The following DYM variants were observed in gnomAD, a reference collection of about 807,000 sequenced individuals.
The protein encoded by DYM is dymeclin, also known as dyggve-Melchior-Clausen syndrome protein.
A neutral mutation model predicts 93.1 loss-of-function variants in DYM; 78 were observed. The ratio of observed to expected loss-of-function variants is 0.84; its 90% CI spans 0.70 to 1.01. The LOEUF (loss-of-function observed/expected upper bound fraction) is 1.01, where lower values mean the gene tolerates loss of function less well. Ranked by LOEUF, DYM falls within the 50% of genes least tolerant of loss-of-function variation. DYM has a pLI of 0.00. For missense variants in DYM, 789 were observed against 845.0 expected (o/e 0.93, Z 0.82); for synonymous variants, 321 against 319.7 (o/e 1.00, Z -0.04).
intron 14 of DYM, among the ~76,000 whole-genome samples, chr18:49,170,475 T>C (rs2088529399): frequency 6.6e-6 from 1 of 151,990 alleles, no homozygotes; most frequent in South Asian, 2.1e-4. Flanking sequence ...AAGGATATTG[T>C]GTAATGTAAG....
At chr18:49,193,687 C>A (rs191871355) in intron 14 of DYM, among the ~76,000 whole-genome samples, 65 of 152,318 alleles carry the variant, frequency 4.3e-4, no homozygotes, top group Non-Finnish European at 6.8e-4. Flanking sequence ...CTTTATAATG[C>A]TGTGACATTC....
At chr18:49,361,346 G>T (rs1027728382) in intron 6 of DYM, among the ~76,000 whole-genome samples, 1 of 152,148 alleles carries the variant, frequency 6.6e-6, no homozygotes, top group Non-Finnish European at 1.5e-5. Context: ...ATTCATGTAC[G>T]ACAGCAGCCT....
Position 49,421,999 on chromosome 18 carries a change from G to A in DYM, c.140+8256C>T, listed in dbSNP as rs972812660. On this transcript the variant is annotated intron_variant, in intron 2 of 17. Coordinates refer to ENST00000675505, the MANE Select transcript of DYM (RefSeq NM_001353214.3). ...GAACAAAGCCTCCAAGAAATATGGG[G>A]CTATGTGAAAAGACCAAATCTATGT... is the stretch of plus-strand genomic sequence containing the variant. 3.9e-5 allele frequency among the ~76,000 whole-genome samples: 6 copies of A among 152,156 alleles called. No individual in the cohort carries two copies. The East Asian group carries it at 9.6e-4, about 24-fold the overall frequency.
chr18:49,392,994 C>CAAA (rs756183855), intron 2 of DYM, among the ~76,000 whole-genome samples: 2 of 61,900 alleles, frequency 3.2e-5, no homozygotes, highest in East Asian at 6.3e-4. Context: ...GACTCCATCT[C>CAAA]AAAAAAAAAA....
chr18:49,416,008 AGC>A (rs2072946359), intron 2 of DYM, among the ~76,000 whole-genome samples: 1 of 152,122 alleles, frequency 6.6e-6, no homozygotes, highest in South Asian at 2.1e-4. Flanking sequence ...TTTTTAAAAC[AGC>A]AGAACAATTA....
At chr18:49,315,361 C>T (rs564528135) in intron 8 of DYM, among the ~76,000 whole-genome samples, 51 of 152,116 alleles carry the variant, frequency 3.4e-4, no homozygotes, top group Middle Eastern at 6.8e-3. Flanking sequence ...ACCTGCCTAC[C>T]GGGTATGGGA....
At chr18:49,257,901 C>T (rs1332921230) in intron 12 of DYM, among the ~76,000 whole-genome samples, 3 of 151,900 alleles carry the variant, frequency 2.0e-5, no homozygotes, top group Non-Finnish European at 4.4e-5. Flanking sequence ...GAATTCTGTA[C>T]ACTGCTTCTC....
At chr18:49,212,732 A>G (rs1025034231) in intron 13 of DYM, among the ~76,000 whole-genome samples, 1 of 152,158 alleles carries the variant, frequency 6.6e-6, no homozygotes, top group Non-Finnish European at 1.5e-5. Context: ...CTTGGGCTCA[A>G]GTGATCCATC....
intron 15 of DYM, among the ~76,000 whole-genome samples, chr18:49,142,947 CAG>C (rs1384223387): frequency 6.6e-6 from 1 of 152,128 alleles, no homozygotes; most frequent in Non-Finnish European, 1.5e-5. Context: ...GTAATTAAAT[CAG>C]AAAGATTGTT....
chr18:49,399,417 T>G (rs1410387808), intron 2 of DYM, among the ~76,000 whole-genome samples: 2 of 152,168 alleles, frequency 1.3e-5, no homozygotes, highest in African/African-American at 4.8e-5. Context: ...GGAAAAGTAT[T>G]CTAGACGGCT....
At position 49,080,101 on chromosome 18, in the gene DYM, C is replaced by T. The variant is rs1222972973; in HGVS notation, c.2025+17301G>A. Among the ~76,000 whole-genome samples, 140 of 92,868 alleles carry T rather than the reference C, an allele frequency of 1.5e-3. 2 individuals carry two copies. Among genetic ancestry groups the T allele is most frequent in the Admixed American group, 3.1e-3 (28 of 9,128 alleles). 60.9% of individuals were successfully genotyped at this position (92,868 alleles called of 152,430 possible). A position where few individuals can be genotyped will look rare whatever the true frequency, so the allele number is the denominator to read the frequency against. ...TCACCTCCCGGACGGGGCGGCTGGC[C>T]GGGCGGGGGGCTGACCCCCCCACCT... On this transcript the variant is annotated intron_variant, in intron 17 of 17. Transcript: ENST00000675505.
chr18:49,380,596 G>T (rs918639446), intron 3 of DYM, among the ~76,000 whole-genome samples: 3 of 152,166 alleles, frequency 2.0e-5, no homozygotes, highest in South Asian at 4.1e-4. Context: ...TCAAATCTTT[G>T]ACTTTAAACT....
intron 16 of DYM, among the ~76,000 whole-genome samples, chr18:49,105,561 C>T: frequency 6.6e-6 from 1 of 152,190 alleles, no homozygotes; most frequent in Non-Finnish European, 1.5e-5. Flanking sequence ...ATAAATTTCC[C>T]TCTACACACT....
At chr18:49,133,922 T>G (rs1464325876) in intron 15 of DYM, among the ~76,000 whole-genome samples, 4 of 152,214 alleles carry the variant, frequency 2.6e-5, no homozygotes, top group Non-Finnish European at 5.9e-5. Flanking sequence ...GCTATTATTA[T>G]ACCTACCACA....
chr18:49,459,002 A>C (rs150109174), intron 1 of DYM, among the ~76,000 whole-genome samples: 1 of 152,340 alleles, frequency 6.6e-6, no homozygotes, highest in African/African-American at 2.4e-5. Context: ...TTAACTGCTG[A>C]AGCTGGGTAA....
intron 2 of DYM, 56 bp from the exon 3 acceptor site, chr18:49,391,701 G>A: frequency 1.4e-6 from 2 of 1,404,642 alleles, no homozygotes; most frequent in Non-Finnish European, 2.0e-6. Flanking sequence ...ATATGTACAT[G>A]CTAATCAGTT....
At chr18:49,073,055 A>G (rs899588786) in intron 17 of DYM, among the ~76,000 whole-genome samples, 2 of 152,262 alleles carry the variant, frequency 1.3e-5, no homozygotes, top group Non-Finnish European at 2.9e-5. Context: ...AATGTAATGT[A>G]TAAAAATGAA....
At chr18:49,201,488 T>C (rs2091986350) in intron 14 of DYM, among the ~76,000 whole-genome samples, 1 of 152,092 alleles carries the variant, frequency 6.6e-6, no homozygotes, top group Non-Finnish European at 1.5e-5. Flanking sequence ...TCAGTCAGGC[T>C]CAAAAGCACC....
chr18:49,220,559 A>G (rs1462863915), intron 13 of DYM, among the ~76,000 whole-genome samples: 2 of 151,348 alleles, frequency 1.3e-5, no homozygotes, highest in African/African-American at 4.9e-5. Flanking sequence ...AAACAGAGAT[A>G]TAGATCAATG....
Sources: allele counts gnomAD v4.1 joint callset (sites outside exome capture counted in the v4.1 genomes callset), GRCh38; gene constraint gnomAD v4.1.1; transcripts MANE v1.5; gene names NCBI Gene and HGNC (gene_info 2026-07-23, HGNC 2026-07-21).